Variants in ATF7IP2 observed in about 807,000 individuals in gnomAD.
The protein encoded by ATF7IP2 is activating transcription factor 7-interacting protein 2.
ATF7IP2 carries 42 observed loss-of-function variants against 64.2 expected under a neutral mutation model. The observed-to-expected ratio is 0.65, with a 90% CI of 0.51 to 0.85. The LOEUF (loss-of-function observed/expected upper bound fraction) is 0.85. Ranked by LOEUF, ATF7IP2 falls within the 40% of genes least tolerant of loss-of-function variation. The pLI is 0.00. For synonymous variants in ATF7IP2, 308 were observed against 272.8 expected, an observed-to-expected ratio of 1.13 and a Z score of -1.27; for missense variants, 933 against 784.2, an observed-to-expected ratio of 1.19 and a Z score of -2.27.
chr16:10,462,295 C>T (rs111874876), intron 9 of ATF7IP2, among the ~76,000 whole-genome samples: 89 of 152,086 alleles, frequency 5.9e-4, no homozygotes, highest in African/African-American at 1.9e-3. Context: ...TATGTTTTCT[C>T]TTGCTCATTT....
At chr16:10,473,893 GCTT>G in intron 11 of ATF7IP2, 27 bp from the exon 12 acceptor site, 1 of 874,716 alleles carries the variant, frequency 1.1e-6, no homozygotes, top group Non-Finnish European at 1.6e-6. Context: ...TTGAGGCAAA[GCTT>G]TTTTTTTTTT....
chr16:10,462,935 G>A (rs1596586025), intron 9 of ATF7IP2, among the ~76,000 whole-genome samples: 1 of 152,018 alleles, frequency 6.6e-6, no homozygotes, highest in Non-Finnish European at 1.5e-5. Flanking sequence ...TCTTTTATTG[G>A]ATCCAAGTAG....
intron 1 of ATF7IP2, among the ~76,000 whole-genome samples, chr16:10,407,297 C>T (rs1321027163): frequency 6.6e-6 from 1 of 152,152 alleles, no homozygotes; most frequent in South Asian, 2.1e-4. Context: ...TACAAAAGAA[C>T]TACAAACCTT....
In ATF7IP2 at chr16:10,401,909, A is replaced by G. The variant is rs572077149; in HGVS notation, c.-241-12665A>G. Among the ~76,000 whole-genome samples, 11 of 152,074 alleles carry G rather than the reference A, an allele frequency of 7.2e-5. No homozygotes were observed. The South Asian group carries it at 2.1e-3, about 29-fold the overall frequency. Reference sequence around the variant, plus strand: ...TGTTTGTCAGTATATAGTTGTTCATAATAGTCTCTGTTGTTGTTTTGTATT... The same window carrying G: ...TGTTTGTCAGTATATAGTTGTTCATGATAGTCTCTGTTGTTGTTTTGTATT... On this transcript the variant is annotated intron_variant, in intron 1 of 13. Transcript: ENST00000562102.
At chr16:10,415,484 T>C (rs1166391104) in intron 2 of ATF7IP2, among the ~76,000 whole-genome samples, 3 of 152,188 alleles carry the variant, frequency 2.0e-5, no homozygotes, top group African/African-American at 7.2e-5. Flanking sequence ...GCAAAATGGA[T>C]TGCTTAAATC....
chr16:10,438,802 C>T (rs757998867), intron 7 of ATF7IP2, among the ~76,000 whole-genome samples: 2 of 152,110 alleles, frequency 1.3e-5, no homozygotes, highest in Non-Finnish European at 2.9e-5. Flanking sequence ...TGCCTGTAAT[C>T]CCAGCACTTT....
intron 1 of ATF7IP2, chr16:10,387,065 A>G (rs1194841279): frequency 1.3e-5 from 2 of 152,214 alleles, no homozygotes; most frequent in African/African-American, 4.8e-5. Flanking sequence ...TAGAAAAATT[A>G]TGTCATATTC....
In ATF7IP2 at chr16:10,433,517, T is replaced by C. The variant is rs2048324025; in HGVS notation, c.836-8T>C. Reference sequence around the variant, plus strand: ...TATCTTTCTTTCTAATCTTTTGATCTCCTCAAGGCCATTATCAAAAGAAGA... The same window carrying C: ...TATCTTTCTTTCTAATCTTTTGATCCCCTCAAGGCCATTATCAAAAGAAGA... On this transcript the variant is annotated splice_polypyrimidine_tract_variant and splice_region_variant and intron_variant, in intron 5 of 13. Coordinates refer to ENST00000562102, the MANE Select transcript of ATF7IP2 (RefSeq NM_001393719.1). 4 of 1,603,300 alleles carry C rather than the reference T, an allele frequency of 2.5e-6. No individual in the cohort carries two copies. Among genetic ancestry groups the C allele is most frequent in the Non-Finnish European group, 3.4e-6 (4 of 1,175,860 alleles).
intron 8 of ATF7IP2, among the ~76,000 whole-genome samples, chr16:10,455,270 A>AC (rs2049128197): frequency 6.6e-6 from 1 of 152,190 alleles, no homozygotes; most frequent in Non-Finnish European, 1.5e-5. Flanking sequence ...TTTTAATCAA[A>AC]AGGGTTCTTA....
chr16:10,438,326 C>A, intron 7 of ATF7IP2, 91 bp downstream of exon 7: 1 of 1,319,512 alleles, frequency 7.6e-7, no homozygotes, highest in Non-Finnish European at 1.0e-6. Context: ...CTCACTGCAG[C>A]CTCTGCCTTC....
intron 1 of ATF7IP2, among the ~76,000 whole-genome samples, chr16:10,413,190 G>A (rs146567210): frequency 1.7e-4 from 26 of 152,204 alleles, no homozygotes; most frequent in African/African-American, 5.1e-4. Context: ...GGCTGTGTCC[G>A]TACTCAAATC....
chr16:10,388,336 G>A (rs2141722541), intron 1 of ATF7IP2, among the ~76,000 whole-genome samples: 1 of 152,312 alleles, frequency 6.6e-6, no homozygotes, highest in African/African-American at 2.4e-5. Context: ...TGGAGGAAAG[G>A]GAGATAATAT....
intron 3 of ATF7IP2, among the ~76,000 whole-genome samples, chr16:10,425,700 C>T (rs932474591): frequency 2.0e-5 from 3 of 152,046 alleles, no homozygotes; most frequent in Non-Finnish European, 4.4e-5. Flanking sequence ...TTGAGACCAG[C>T]CTGACCAACA....
At chr16:10,423,875 C>G (rs751045490) in intron 3 of ATF7IP2, among the ~76,000 whole-genome samples, 62 of 152,184 alleles carry the variant, frequency 4.1e-4, no homozygotes, top group Non-Finnish European at 8.1e-4. Flanking sequence ...CTTAAGAGTA[C>G]TCGGGTGTCC....
At chr16:10,444,894 G>A (rs2048751470) in intron 8 of ATF7IP2, among the ~76,000 whole-genome samples, 1 of 152,136 alleles carries the variant, frequency 6.6e-6, no homozygotes, top group Admixed American at 6.5e-5. Flanking sequence ...ATTATTAGCA[G>A]TTGCATTTGA....
chr16:10,406,101 G>A (rs1481119190), intron 1 of ATF7IP2, among the ~76,000 whole-genome samples: 1 of 148,216 alleles, frequency 6.7e-6, no homozygotes, highest in Non-Finnish European at 1.5e-5. Flanking sequence ...AAAAAAAAAA[G>A]AAAAGCTTCA....
chr16:10,387,567 C>G (rs1028153406), intron 1 of ATF7IP2: 1 of 152,224 alleles, frequency 6.6e-6, no homozygotes, highest in Admixed American at 6.5e-5. Context: ...CATTGTGTTT[C>G]CTTGCTACTT....
intron 10 of ATF7IP2, among the ~76,000 whole-genome samples, chr16:10,473,070 G>C (rs2049865031): frequency 6.6e-6 from 1 of 152,090 alleles, no homozygotes; most frequent in Non-Finnish European, 1.5e-5. Context: ...CTAAGATTGT[G>C]AATCAGAGAA....
intron 1 of ATF7IP2, among the ~76,000 whole-genome samples, chr16:10,396,367 A>G (rs2047419235): frequency 6.6e-6 from 1 of 152,088 alleles, no homozygotes; most frequent in South Asian, 2.1e-4. Flanking sequence ...CCTGTACAGA[A>G]GTTTTTAAGT....
Sources: gnomAD v4.1 joint callset for allele counts (sites outside exome capture counted in the v4.1 genomes callset) on GRCh38, gnomAD v4.1.1 for gene constraint, MANE v1.5 for transcripts, NCBI Gene and HGNC (gene_info 2026-07-23, HGNC 2026-07-21) for gene names.